Variants in IPCEF1 observed in about 807,000 individuals in gnomAD.
The protein encoded by IPCEF1 is interaction protein for cytohesin exchange factors 1.
In IPCEF1, 31 loss-of-function variants were observed where a neutral mutation model predicts 50.9. The ratio of observed to expected loss-of-function variants is 0.61; its 90% CI spans 0.46 to 0.82. The LOEUF is 0.82. IPCEF1 is among the 40% of genes least tolerant of loss of function. The pLI, the probability that IPCEF1 is intolerant of heterozygous loss-of-function variation, is 0.00. For missense variants in IPCEF1, 458 were observed against 514.0 expected (o/e 0.89, Z 1.05); for synonymous variants, 181 against 192.0 (o/e 0.94, Z 0.47).
At chr6:154,223,916 A>G (rs767108598) in intron 5 of IPCEF1, among the ~76,000 whole-genome samples, 10 of 152,258 alleles carry the variant, frequency 6.6e-5, no homozygotes, top group Non-Finnish European at 7.3e-5. Context: ...AGAAAATTAT[A>G]TTTATGAGGA....
At position 154,168,156 on chromosome 6, in the gene IPCEF1, G is replaced by A. The variant is rs1799582860; in HGVS notation, c.911-43C>T. The A allele has an allele frequency of 7.0e-7, 1 of 1,433,578 alleles. No homozygotes were observed. Among genetic ancestry groups the A allele is most frequent in the Non-Finnish European group, 9.4e-7 (1 of 1,059,558 alleles). The allele number at this position is 1,433,578 out of a possible 1,614,324, so 88.8% of individuals were successfully genotyped here. On this transcript the variant is annotated intron_variant, in intron 10 of 11. Coordinates refer to ENST00000367220, the MANE Select transcript of IPCEF1 (RefSeq NM_001130700.2). The surrounding 1 kb of genome is among the most constrained non-coding windows in gnomAD (Gnocchi z 4.1). ...AGAAAGCAGTAACAATAAACCCAGT[G>A]AAAAATCAAGGAGAGAACATTCAAT... is the stretch of plus-strand genomic sequence containing the variant.
chr6:154,280,648 A>T (rs978839819), intron 2 of IPCEF1, among the ~76,000 whole-genome samples: 2 of 152,234 alleles, frequency 1.3e-5, no homozygotes, highest in Admixed American at 1.3e-4. Flanking sequence ...AGGGAAGTGT[A>T]CTTGGGTCAT....
intron 1 of IPCEF1, among the ~76,000 whole-genome samples, chr6:154,343,119 G>C (rs531486340): frequency 6.6e-6 from 1 of 152,296 alleles, no homozygotes; most frequent in South Asian, 2.1e-4. Context: ...CTATAAAAGA[G>C]AGAGAGAGAT....
chr6:154,168,406 G>A lies in IPCEF1; in HGVS notation c.911-293C>T, dbSNP rs1469033239. On this transcript the variant is annotated intron_variant, in intron 10 of 11. Coordinates refer to ENST00000367220, the MANE Select transcript of IPCEF1 (RefSeq NM_001130700.2). This position sits in a 1 kb window ranked among gnomAD's most constrained non-coding sequence, Gnocchi z 4.1. Reference sequence around the variant, plus strand: ...CAGTATAACTCCAATATTCACATGGGGTGTTCCCTGCATGCATGTCTCTGT... The same window carrying A: ...CAGTATAACTCCAATATTCACATGGAGTGTTCCCTGCATGCATGTCTCTGT... Among the ~76,000 whole-genome samples the A allele has an allele frequency of 6.6e-6, 1 of 151,890 alleles. No homozygotes were observed. The highest frequency in any genetic ancestry group is 1.5e-5 in the Non-Finnish European group (1 of 67,976).
intron 1 of IPCEF1, among the ~76,000 whole-genome samples, chr6:154,339,769 A>G (rs1562295583): frequency 6.6e-6 from 1 of 151,876 alleles, no homozygotes; most frequent in Non-Finnish European, 1.5e-5. Context: ...ATTTTAAAAA[A>G]TATTTTTGTA....
In IPCEF1 at chr6:154,331,257, G is replaced by C. The variant is rs757554005; in HGVS notation, c.-62+25415C>G. ...CACTCCAGCTGGGGCGATAGAGTGA[G>C]ACTCTAAAAATAAATAAATAATTGA... On this transcript the variant is annotated intron_variant, in intron 1 of 11. Coordinates refer to ENST00000367220, the MANE Select transcript of IPCEF1 (RefSeq NM_001130700.2). 4.7e-4 allele frequency among the ~76,000 whole-genome samples: 71 copies of C among 151,094 alleles called. 1 individual carries two copies. Among genetic ancestry groups the C allele is most frequent in the Non-Finnish European group, 1.2e-4 (8 of 67,882 alleles).
chr6:154,288,097 C>A (rs1782407763), intron 2 of IPCEF1, among the ~76,000 whole-genome samples: 1 of 152,102 alleles, frequency 6.6e-6, no homozygotes, highest in Non-Finnish European at 1.5e-5. Context: ...GTTGGACAAC[C>A]AGGACAACGG....
intron 1 of IPCEF1, among the ~76,000 whole-genome samples, chr6:154,352,735 C>T (rs1784138962): frequency 6.6e-6 from 1 of 152,214 alleles, no homozygotes; most frequent in Admixed American, 6.5e-5. Flanking sequence ...CCTGCTGGCC[C>T]TGTGAGACGG....
chr6:154,225,358 A>C (rs1016723619), intron 5 of IPCEF1, among the ~76,000 whole-genome samples: 3 of 152,220 alleles, frequency 2.0e-5, no homozygotes, highest in African/African-American at 7.2e-5. Flanking sequence ...CCATTAACAG[A>C]TAAATGGATA....
chr6:154,245,357 G>C (rs1780945629), intron 5 of IPCEF1, among the ~76,000 whole-genome samples: 1 of 152,084 alleles, frequency 6.6e-6, no homozygotes, highest in African/African-American at 2.4e-5. Context: ...GGTGAAGCTG[G>C]AGCAATAAGT....
chr6:154,348,682 C>A (rs746537122), intron 1 of IPCEF1, among the ~76,000 whole-genome samples: 111 of 152,060 alleles, frequency 7.3e-4, no homozygotes, highest in Non-Finnish European at 1.1e-3. Context: ...TAACAAGGAA[C>A]CAGAAAATAA....
chr6:154,329,497 C>T (rs983062548), intron 1 of IPCEF1, among the ~76,000 whole-genome samples: 8 of 151,366 alleles, frequency 5.3e-5, no homozygotes, highest in Non-Finnish European at 8.8e-5. Flanking sequence ...CTCAGGAGGC[C>T]GAGGTGGGAG....
intron 10 of IPCEF1, among the ~76,000 whole-genome samples, chr6:154,179,313 G>A (rs1171474592): frequency 1.3e-5 from 2 of 152,132 alleles, no homozygotes; most frequent in African/African-American, 4.8e-5. Flanking sequence ...AGGCTTTTCA[G>A]TAAAGCAGTA....
At chr6:154,180,235 C>T (rs1204623627) in intron 10 of IPCEF1, among the ~76,000 whole-genome samples, 1 of 151,950 alleles carries the variant, frequency 6.6e-6, no homozygotes, top group Non-Finnish European at 1.5e-5. Context: ...GGGTTAATGT[C>T]AGTGACCCTT....
At chr6:154,351,974 G>T (rs955343759) in intron 1 of IPCEF1, among the ~76,000 whole-genome samples, 1 of 152,188 alleles carries the variant, frequency 6.6e-6, no homozygotes, top group Non-Finnish European at 1.5e-5. Flanking sequence ...ACACACTGAG[G>T]CCTGTGAGGG....
At chr6:154,316,907 G>C (rs1043165083) in intron 1 of IPCEF1, among the ~76,000 whole-genome samples, 3 of 151,914 alleles carry the variant, frequency 2.0e-5, no homozygotes, top group African/African-American at 7.3e-5. Context: ...TTAGTTAATT[G>C]GAATAATAAT....
intron 3 of IPCEF1, among the ~76,000 whole-genome samples, chr6:154,250,927 C>G (rs201274727): frequency 6.6e-6 from 1 of 152,028 alleles, no homozygotes; most frequent in African/African-American, 2.4e-5. Context: ...TTTTAACAAC[C>G]AAGCCACAGA....
chr6:154,322,711 T>C (rs987427191), intron 1 of IPCEF1, among the ~76,000 whole-genome samples: 5 of 151,770 alleles, frequency 3.3e-5, no homozygotes, highest in African/African-American at 1.2e-4. Context: ...GTGGTGCATG[T>C]CTGTAATTCC....
chr6:154,355,553 A>G (rs1357970566), intron 1 of IPCEF1, among the ~76,000 whole-genome samples: 2 of 151,184 alleles, frequency 1.3e-5, no homozygotes, highest in African/African-American at 2.4e-5. Flanking sequence ...CAGTGGCGCA[A>G]TCTCAGCTCA....
Sources: gnomAD v4.1 joint callset for allele counts (sites outside exome capture counted in the v4.1 genomes callset) on GRCh38, gnomAD v4.1.1 for gene constraint, Gnocchi (gnomAD v3.1) non-coding constraint, MANE v1.5 for transcripts, NCBI Gene and HGNC (gene_info 2026-07-23, HGNC 2026-07-21) for gene names.